The following ASH1L variants were observed in gnomAD, a reference collection of about 807,000 sequenced individuals.
ASH1L encodes the protein histone-lysine N-methyltransferase ASH1L.
ASH1L carries 23 observed loss-of-function variants against 269.0 expected under a neutral mutation model. The observed-to-expected ratio is 0.09, with a 90% CI of 0.06 to 0.12. ASH1L has a LOEUF of 0.12. ASH1L is among the 10% of genes least tolerant of loss of function. The pLI is 1.00. For synonymous variants in ASH1L, 1,187 were observed against 1,253.5 expected (o/e 0.95, Z 1.12); for missense variants, 2,912 against 3,567.8 (o/e 0.82, Z 4.68).
At chr1:155,428,884 G>A (rs991816529) in intron 5 of ASH1L, among the ~76,000 whole-genome samples, 6 of 152,078 alleles carry the variant, frequency 3.9e-5, no homozygotes, top group African/African-American at 1.4e-4. Context: ...CTCTGTTCGG[G>A]GCTCTCAGCT....
intron 12 of ASH1L, among the ~76,000 whole-genome samples, chr1:155,369,293 A>C (rs745665039): frequency 7.9e-5 from 12 of 152,032 alleles, no homozygotes; most frequent in Non-Finnish European, 1.5e-4. Flanking sequence ...AATACAAAAA[A>C]GAAATTAGCC....
intron 4 of ASH1L, among the ~76,000 whole-genome samples, chr1:155,450,344 T>A (rs1343866455): frequency 3.9e-5 from 6 of 152,352 alleles, no homozygotes; most frequent in Non-Finnish European, 7.3e-5. Context: ...ATAGTTTTAA[T>A]GAAAGTGTGA....
intron 2 of ASH1L, among the ~76,000 whole-genome samples, chr1:155,488,382 G>T (rs1313380942): frequency 1.3e-5 from 2 of 150,746 alleles, no homozygotes; most frequent in Admixed American, 6.6e-5. Flanking sequence ...TTTTGAAGCC[G>T]GGTACGGTGG....
chr1:155,338,078 A>C lies in ASH1L; in HGVS notation c.8803+11T>G. 1 of 1,610,754 alleles carries C rather than the reference A, an allele frequency of 6.2e-7. No homozygotes were observed. Among genetic ancestry groups the C allele is most frequent in the Non-Finnish European group, 8.5e-7 (1 of 1,177,744 alleles). On this transcript the variant is annotated intron_variant, in intron 27 of 27. Coordinates refer to ENST00000392403, the MANE Select transcript of ASH1L (RefSeq NM_018489.3). ...ATCTTAAACCCTAGATATGAACCTG[A>C]TTCTTCTTACCATTTTTTCCAGGGA...
chr1:155,536,859 G>A (rs914349344), intron 1 of ASH1L, among the ~76,000 whole-genome samples: 14 of 151,932 alleles, frequency 9.2e-5, no homozygotes, highest in Admixed American at 7.2e-4. Context: ...TGGCTAACAT[G>A]GTGAAACCTC....
rs144278501 is a variant in ASH1L at position 155,490,614 on chromosome 1, TCACA to T, written c.421-8169_421-8166del. 2.4e-4 allele frequency among the ~76,000 whole-genome samples: 34 copies of T among 142,396 alleles called. No homozygotes were observed. In the South Asian group the frequency reaches 3.9e-3, roughly 16 times the overall value. 93.4% of individuals were successfully genotyped at this position (142,396 alleles called of 152,430 possible). A position where few individuals can be genotyped will look rare whatever the true frequency, so the allele number is the denominator to read the frequency against. On this transcript the variant is annotated intron_variant, in intron 2 of 27. Transcript: ENST00000392403. ...GTATGGGCTACACAGCCAGACTACG[TCACA>T]CACACACACACACACACACACACAC...
At chr1:155,467,043 T>C (rs1308302894) in intron 3 of ASH1L, among the ~76,000 whole-genome samples, 2 of 152,214 alleles carry the variant, frequency 1.3e-5, no homozygotes, top group African/African-American at 4.8e-5. Context: ...GTATATAATT[T>C]ACATGTAGTA....
At chr1:155,536,420 A>T (rs1670059455) in intron 1 of ASH1L, among the ~76,000 whole-genome samples, 1 of 152,192 alleles carries the variant, frequency 6.6e-6, no homozygotes, top group African/African-American at 2.4e-5. Context: ...CTGAATTGAG[A>T]TGACAAATTT....
At chr1:155,450,534 AT>A (rs1663386467) in intron 4 of ASH1L, among the ~76,000 whole-genome samples, 2 of 152,114 alleles carry the variant, frequency 1.3e-5, no homozygotes, top group African/African-American at 4.8e-5. Context: ...AAGTGTTTGG[AT>A]TTTGTTGTCT....
At chr1:155,402,799 C>A (rs1049097105) in intron 6 of ASH1L, among the ~76,000 whole-genome samples, 3 of 151,812 alleles carry the variant, frequency 2.0e-5, no homozygotes, top group Non-Finnish European at 4.4e-5. Flanking sequence ...AGCAATCCTC[C>A]TACCTTGGCC....
chr1:155,378,495 T>A lies in ASH1L; in HGVS notation c.6223+8A>T. The A allele has an allele frequency of 6.2e-7, 1 of 1,613,518 alleles. No homozygotes were observed. Among genetic ancestry groups the A allele is most frequent in the South Asian group, 1.1e-5 (1 of 90,980 alleles). On this transcript the variant is annotated splice_region_variant and intron_variant, in intron 9 of 27. Transcript: ENST00000392403. Reference sequence around the variant, plus strand: ...AGAGGCAGAAAAAATAGCTCCTAAGTTACTCACTTGAACGAATTTTCTTAT... The same window carrying A: ...AGAGGCAGAAAAAATAGCTCCTAAGATACTCACTTGAACGAATTTTCTTAT...
intron 10 of ASH1L, 68 bp from the exon 11 acceptor site, chr1:155,371,051 T>C: frequency 7.2e-7 from 1 of 1,381,336 alleles, no homozygotes; most frequent in South Asian, 1.3e-5. Flanking sequence ...CATTTTTAAA[T>C]TTTACAAACA....
chr1:155,366,044 G>A (rs763495314), intron 12 of ASH1L, among the ~76,000 whole-genome samples: 2 of 152,134 alleles, frequency 1.3e-5, no homozygotes, highest in Admixed American at 6.6e-5. Context: ...GTAAAATTAG[G>A]CTGAGATCTG....
chr1:155,388,626 C>T (rs899357591), intron 7 of ASH1L, among the ~76,000 whole-genome samples: 3 of 151,126 alleles, frequency 2.0e-5, no homozygotes, highest in African/African-American at 4.9e-5. Context: ...TCCAACCTTC[C>T]TCTTTTGCTC....
intron 2 of ASH1L, among the ~76,000 whole-genome samples, chr1:155,497,798 GA>G: frequency 6.6e-6 from 1 of 151,684 alleles, no homozygotes; most frequent in East Asian, 1.9e-4. Flanking sequence ...GCTCAGGCTG[GA>G]AGTGCCGTGG....
chr1:155,530,082 T>TC (rs1312429785), intron 1 of ASH1L, among the ~76,000 whole-genome samples: 1 of 152,168 alleles, frequency 6.6e-6, no homozygotes, highest in Non-Finnish European at 1.5e-5. Flanking sequence ...GAACACCCTT[T>TC]CCCCAGATAA....
intron 3 of ASH1L, among the ~76,000 whole-genome samples, chr1:155,473,861 ACT>A (rs150300928): frequency 0.01 from 1,541 of 151,408 alleles, 26 homozygotes; most frequent in African/African-American, 0.035. Flanking sequence ...TTTGAGACAG[ACT>A]CTCACACTGT....
At chr1:155,439,484 G>A (rs185345511) in intron 4 of ASH1L, among the ~76,000 whole-genome samples, 1 of 152,266 alleles carries the variant, frequency 6.6e-6, no homozygotes, top group African/African-American at 2.4e-5. Flanking sequence ...GAATGCCTGA[G>A]CTAAGGAATT....
At chr1:155,441,910 C>A (rs541862727) in intron 4 of ASH1L, among the ~76,000 whole-genome samples, 3 of 152,002 alleles carry the variant, frequency 2.0e-5, no homozygotes, top group Admixed American at 2.0e-4. Flanking sequence ...GGACTACAGG[C>A]ATGCACCAAC....
Sources: gnomAD v4.1 joint callset for allele counts (sites outside exome capture counted in the v4.1 genomes callset) on GRCh38, gnomAD v4.1.1 for gene constraint, MANE v1.5 for transcripts, NCBI Gene and HGNC (gene_info 2026-07-23, HGNC 2026-07-21) for gene names.